The following STPG2 variants were observed in gnomAD, a reference collection of about 807,000 sequenced individuals.
STPG2 encodes sperm tail PG-rich repeat containing 2.
Under a neutral mutation model 54.2 loss-of-function variants are expected in STPG2, and 56 were observed. That is an observed-to-expected ratio of 1.03 (90% CI 0.83 to 1.29). The LOEUF (loss-of-function observed/expected upper bound fraction) is 1.29, where lower values mean the gene tolerates loss of function less well. Among genes scored for constraint, STPG2 ranks in the 50% most tolerant of loss-of-function variants. The pLI is 0.00. For synonymous variants in STPG2, 200 were observed against 181.8 expected (o/e 1.10, Z -0.81); for missense variants, 596 against 544.9 (o/e 1.09, Z -0.93).
chr4:97,887,130 A>G (rs1397191203), intron 8 of STPG2, among the ~76,000 whole-genome samples: 1 of 152,210 alleles, frequency 6.6e-6, no homozygotes, highest in African/African-American at 2.4e-5. Flanking sequence ...TAGCAATGCA[A>G]GAACAGACCA....
At chr4:97,902,617 A>C (rs534412320) in intron 8 of STPG2, among the ~76,000 whole-genome samples, 4 of 152,304 alleles carry the variant, frequency 2.6e-5, no homozygotes, top group Admixed American at 6.5e-5. Context: ...ATCTTTAAGA[A>C]GGATTATCAT....
At chr4:97,911,352 C>T (rs1290663338) in intron 8 of STPG2, among the ~76,000 whole-genome samples, 1 of 152,218 alleles carries the variant, frequency 6.6e-6, no homozygotes, top group Non-Finnish European at 1.5e-5. Flanking sequence ...GCAGGCCCCA[C>T]TCCCAGAGCT....
intron 9 of STPG2, among the ~76,000 whole-genome samples, chr4:97,719,987 A>G (rs901098860): frequency 5.3e-5 from 8 of 151,912 alleles, no homozygotes; most frequent in Admixed American, 4.6e-4. Flanking sequence ...TAGGAAAAAG[A>G]CTTTCTTTTC....
chr4:97,540,561 T>C (rs956253580), intron 4 of STPG2, among the ~76,000 whole-genome samples: 2 of 152,172 alleles, frequency 1.3e-5, no homozygotes, highest in East Asian at 1.9e-4. Flanking sequence ...GAGGAGCTGG[T>C]ACCATTCCTT....
At chr4:97,458,664 T>C (rs1323924756) in intron 4 of STPG2, among the ~76,000 whole-genome samples, 1 of 152,136 alleles carries the variant, frequency 6.6e-6, no homozygotes, top group African/African-American at 2.4e-5. Flanking sequence ...ACAATGGAAA[T>C]GTTTAAAAAA....
intron 4 of STPG2, among the ~76,000 whole-genome samples, chr4:97,546,624 T>C (rs529903715): frequency 5.3e-5 from 8 of 152,134 alleles, no homozygotes; most frequent in Non-Finnish European, 8.8e-5. Flanking sequence ...GTATTCAACC[T>C]GACAAGCAGA....
chr4:97,697,264 G>C (rs769308128), intron 10 of STPG2, among the ~76,000 whole-genome samples: 4 of 152,182 alleles, frequency 2.6e-5, no homozygotes, highest in Non-Finnish European at 5.9e-5. Context: ...CTCTTAATAA[G>C]ATCAAAATTT....
At chr4:97,470,105 T>C (rs976544354) in intron 4 of STPG2, among the ~76,000 whole-genome samples, 2 of 152,134 alleles carry the variant, frequency 1.3e-5, no homozygotes, top group South Asian at 2.1e-4. Context: ...TTCCATCTTA[T>C]AAAATAAAAT....
At chr4:97,567,197 C>G (rs1560664814) in intron 10 of STPG2, among the ~76,000 whole-genome samples, 2 of 145,442 alleles carry the variant, frequency 1.4e-5, no homozygotes, top group South Asian at 2.1e-4. Context: ...GTAACACACA[C>G]ACACACACAC....
chr4:97,808,642 A>C (rs2149095364), intron 9 of STPG2, among the ~76,000 whole-genome samples: 1 of 151,256 alleles, frequency 6.6e-6, no homozygotes, highest in African/African-American at 2.4e-5. Flanking sequence ...AAATTTACTA[A>C]AAAGTTCTAA....
Position 97,859,703 on chromosome 4 carries a change from T to C in STPG2, c.1045-18771A>G, listed in dbSNP as rs556878587. ...TGGTCTTGAAATCCTGACCTCGTGA[T>C]CCGCCAACTTGGCCTCCCAAAGTGC... On this transcript the variant is annotated intron_variant, in intron 8 of 10. Transcript: ENST00000295268. Among the ~76,000 whole-genome samples, 10 of 152,258 alleles carry C rather than the reference T, an allele frequency of 6.6e-5. No homozygotes were observed. The East Asian group carries it at 1.9e-3, about 29-fold the overall frequency.
At chr4:97,508,337 G>T (rs1423285936) in intron 4 of STPG2, among the ~76,000 whole-genome samples, 1 of 151,928 alleles carries the variant, frequency 6.6e-6, no homozygotes, top group African/African-American at 2.4e-5. Flanking sequence ...CCATATATTG[G>T]TTCATGACAG....
chr4:97,714,081 A>T (rs1247354059), intron 9 of STPG2, among the ~76,000 whole-genome samples: 2 of 152,178 alleles, frequency 1.3e-5, no homozygotes, highest in East Asian at 3.9e-4. Context: ...TTGGCCACAG[A>T]ATATTGACAA....
intron 9 of STPG2, among the ~76,000 whole-genome samples, chr4:97,832,777 A>C (rs967341415): frequency 5.3e-5 from 8 of 152,206 alleles, no homozygotes; most frequent in Non-Finnish European, 1.2e-4. Flanking sequence ...GAAAGAGAAT[A>C]AAATATCTAG....
intron 4 of STPG2, among the ~76,000 whole-genome samples, chr4:97,541,848 C>A (rs1412579365): frequency 6.6e-6 from 1 of 152,158 alleles, no homozygotes; most frequent in Non-Finnish European, 1.5e-5. Flanking sequence ...TTTGACAAAT[C>A]TGACAAAAAC....
chr4:97,970,100 AG>A (rs1462207620), intron 7 of STPG2, among the ~76,000 whole-genome samples: 1 of 152,160 alleles, frequency 6.6e-6, no homozygotes, highest in Non-Finnish European at 1.5e-5. Context: ...TCCAACTTAC[AG>A]GGATGTGAAG....
At chr4:97,743,152 A>G (rs929286497) in intron 9 of STPG2, among the ~76,000 whole-genome samples, 1 of 151,756 alleles carries the variant, frequency 6.6e-6, no homozygotes, top group Admixed American at 6.6e-5. Flanking sequence ...GTTTCCTCTT[A>G]AGGTATACAT....
At chr4:98,021,187 T>C (rs570409203) in intron 5 of STPG2, among the ~76,000 whole-genome samples, 1 of 134,646 alleles carries the variant, frequency 7.4e-6, no homozygotes, top group Non-Finnish European at 1.6e-5. Flanking sequence ...CACACTGCTT[T>C]GAATGTGTCT....
intron 4 of STPG2, among the ~76,000 whole-genome samples, chr4:97,493,005 T>C (rs1730533380): frequency 6.7e-6 from 1 of 149,858 alleles, no homozygotes; most frequent in South Asian, 2.1e-4. Context: ...AAAAGTAATG[T>C]CCTGAGATTT....
Sources: gnomAD v4.1 joint callset for allele counts (sites outside exome capture counted in the v4.1 genomes callset) on GRCh38, gnomAD v4.1.1 for gene constraint, MANE v1.5 for transcripts, NCBI Gene and HGNC (gene_info 2026-07-23, HGNC 2026-07-21) for gene names.